CRACDL: variants seen among roughly 807,000 people sequenced by gnomAD.
CRACDL encodes the protein CRACD-like protein.
CRACDL carries 26 observed loss-of-function variants against 70.6 expected under a neutral mutation model. The observed-to-expected ratio is 0.37, with a 90% CI of 0.27 to 0.51. The LOEUF (loss-of-function observed/expected upper bound fraction) is 0.51. Ranked by LOEUF, CRACDL falls within the 20% of genes least tolerant of loss-of-function variation. The pLI, the probability that CRACDL is intolerant of heterozygous loss-of-function variation, is 0.94. For missense variants in CRACDL, 1,283 were observed against 1,376.9 expected, an observed-to-expected ratio of 0.93 and a Z score of 1.08; for synonymous variants, 618 against 615.2, an observed-to-expected ratio of 1.00 and a Z score of -0.07.
At chr2:98,831,796 A>G (rs906512037) in intron 5 of CRACDL, among the ~76,000 whole-genome samples, 21 of 151,998 alleles carry the variant, frequency 1.4e-4, no homozygotes, top group African/African-American at 5.1e-4. Flanking sequence ...GGTGTTTGGG[A>G]CTGGTTCCTC....
Position 98,897,473 on chromosome 2 carries a change from T to A in CRACDL, c.-11+38465A>T. The A allele has an allele frequency of 2.9e-6, 3 of 1,039,918 alleles. No homozygotes were observed. The South Asian group carries it at 4.2e-5, about 15-fold the overall frequency. 64.4% of individuals were successfully genotyped at this position (1,039,918 alleles called of 1,614,324 possible). The stretch of plus-strand genomic sequence containing the variant: ...TTACATGGAGTATGCAGAAAATCAG[T>A]GACTTCTGCTGAAACAGATGAGCAA... On this transcript the variant is annotated intron_variant, in intron 1 of 9. Transcript: ENST00000397899.
chr2:98,817,960 G>A (rs1042465600), intron 7 of CRACDL, among the ~76,000 whole-genome samples: 9 of 152,126 alleles, frequency 5.9e-5, no homozygotes, highest in African/African-American at 2.2e-4. Flanking sequence ...AAGGAGAGCT[G>A]ACCTAGGAGT....
At chr2:98,832,727 GTGTCCTGGGGGAGC>G in intron 4 of CRACDL, 121 bp downstream of exon 4, 1 of 1,176,334 alleles carries the variant, frequency 8.5e-7, no homozygotes, top group Non-Finnish European at 1.2e-6. Context: ...CTCATTTGGT[GTGTCCTGGGGGAGC>G]TGTCATGTAC....
chr2:98,904,129 CAG>C (rs1708349528), intron 1 of CRACDL, among the ~76,000 whole-genome samples: 2 of 152,246 alleles, frequency 1.3e-5, no homozygotes, highest in Non-Finnish European at 2.9e-5. Flanking sequence ...GTTATACAAA[CAG>C]AAGGAACACT....
chr2:98,892,878 C>T (rs1021658399), intron 1 of CRACDL, among the ~76,000 whole-genome samples: 9 of 152,164 alleles, frequency 5.9e-5, no homozygotes, highest in Non-Finnish European at 1.2e-4. Context: ...TGCACCCTTC[C>T]TCACACTCTT....
rs914641195 is a variant in CRACDL at position 98,826,870 on chromosome 2, G to C, written c.735+105C>G. On this transcript the variant is annotated intron_variant, in intron 6 of 9. Coordinates refer to ENST00000397899, the MANE Select transcript of CRACDL (RefSeq NM_207362.3). ...TCCATCAACTGTGGGGTGCTCAGAGGGGGCATGAGACCCTGTGTGGGGGAG... is the reference window on the plus strand; with the variant it reads ...TCCATCAACTGTGGGGTGCTCAGAGCGGGCATGAGACCCTGTGTGGGGGAG... 3.5e-5 allele frequency: 26 copies of C among 743,718 alleles called. No individual in the cohort carries two copies. The Admixed American group carries it at 5.7e-4, about 16-fold the overall frequency. 46.1% of individuals were successfully genotyped at this position (743,718 alleles called of 1,614,324 possible). A position where few individuals can be genotyped will look rare whatever the true frequency, so the allele number is the denominator to read the frequency against.
At chr2:98,845,127 A>C (rs1190797486) in intron 2 of CRACDL, among the ~76,000 whole-genome samples, 1 of 152,054 alleles carries the variant, frequency 6.6e-6, no homozygotes, top group African/African-American at 2.4e-5. Context: ...TAAATGATCT[A>C]AGGGCAAAGT....
At chr2:98,916,605 T>C (rs1708672802) in intron 1 of CRACDL, among the ~76,000 whole-genome samples, 1 of 152,166 alleles carries the variant, frequency 6.6e-6, no homozygotes, top group Non-Finnish European at 1.5e-5. Flanking sequence ...TATGTTTCCT[T>C]CCAGTCTTTT....
Position 98,823,103 on chromosome 2 carries a change from C to A in CRACDL, c.1170G>T (p.Glu390Asp). 6.3e-7 allele frequency: 1 copy of A among 1,578,182 alleles called. No individual in the cohort carries two copies. Among genetic ancestry groups the A allele is most frequent in the Non-Finnish European group, 8.6e-7 (1 of 1,165,378 alleles). The change falls in exon 7 of 10, where the codon GAG becomes GAT. Residue 390 changes from glutamate (E) to aspartate (D), a missense_variant. Coordinates refer to ENST00000397899, the MANE Select transcript of CRACDL (RefSeq NM_207362.3). This position sits in a 1 kb window ranked among gnomAD's most constrained non-coding sequence, Gnocchi z 4.0. ...CGACGTCTTCGGGAGCACAGACCAC[C>A]TCCTCCGCCTTGTCCGTGGCCGGGG... ...PCAPATDKAEEVVCAPEDVAS... is the reference protein window; with the variant it reads ...PCAPATDKAEDVVCAPEDVAS...
chr2:98,926,497 G>A (rs910377126), intron 1 of CRACDL, among the ~76,000 whole-genome samples: 9 of 152,296 alleles, frequency 5.9e-5, no homozygotes, highest in Admixed American at 2.6e-4. Flanking sequence ...TCCCAAGAGC[G>A]TGCACCATGA....
Position 98,823,177 on chromosome 2 carries a change from G to T in CRACDL, c.1096C>A (p.Pro366Thr). The T allele has an allele frequency of 6.6e-7, 1 of 1,517,510 alleles. No individual in the cohort carries two copies. Among genetic ancestry groups the T allele is most frequent in the Admixed American group, 2.1e-5 (1 of 47,922 alleles). 94.0% of individuals were successfully genotyped at this position (1,517,510 alleles called of 1,614,324 possible). A position where few individuals can be genotyped will look rare whatever the true frequency, so the allele number is the denominator to read the frequency against. The part of the protein sequence containing the change: ...SPPEGPPNPG[P>T]DGGKQDGEAP... ...TCCCCATCCTGCTTTCCGCCGTCGG[G>T]ACCGGGATTCGGGGGGCCCTCCGGC... Residue 366 changes from proline to threonine, a missense_variant, in exon 7 of 10, where the codon CCC (proline) becomes ACC (threonine). This residue lies in a region of CRACDL where 921 missense variants were observed against 881.9 expected (regional missense o/e 1.04). Transcript: ENST00000397899. This position sits in a 1 kb window ranked among gnomAD's most constrained non-coding sequence, Gnocchi z 4.0.
At chr2:98,905,581 T>C (rs1708390404) in intron 1 of CRACDL, among the ~76,000 whole-genome samples, 1 of 152,108 alleles carries the variant, frequency 6.6e-6, no homozygotes, top group South Asian at 2.1e-4. Flanking sequence ...TGGGAAGCGT[T>C]ACTCCCTCCT....
At chr2:98,926,144 C>T (rs1708904211) in intron 1 of CRACDL, among the ~76,000 whole-genome samples, 1 of 152,048 alleles carries the variant, frequency 6.6e-6, no homozygotes, top group African/African-American at 2.4e-5. Flanking sequence ...TGAAGAAAAC[C>T]AGCTGTTACA....
intron 7 of CRACDL, among the ~76,000 whole-genome samples, chr2:98,811,028 T>C (rs1244590618): frequency 1.3e-5 from 2 of 151,598 alleles, no homozygotes; most frequent in Admixed American, 1.3e-4. Context: ...AGCCAAGATG[T>C]ACAGCATTTT....
At position 98,805,111 on chromosome 2, in the gene CRACDL, CA is replaced by C. The variant is rs540028415; in HGVS notation, c.2417-7575del. On this transcript the variant is annotated intron_variant, in intron 7 of 9. Transcript: ENST00000397899. ...ATCTTCTGACAGCCACCATGGTCCACAATCAGGAATGAGTTCCAGAGCCTGC... is the reference window on the plus strand; with the variant it reads ...ATCTTCTGACAGCCACCATGGTCCACATCAGGAATGAGTTCCAGAGCCTGC... 2.6e-5 allele frequency among the ~76,000 whole-genome samples: 4 copies of C among 152,312 alleles called. No homozygotes were observed. The South Asian group carries it at 8.3e-4, about 32-fold the overall frequency.
chr2:98,820,017 A>G (rs1212695897), intron 7 of CRACDL, among the ~76,000 whole-genome samples: 1 of 151,400 alleles, frequency 6.6e-6, no homozygotes, highest in African/African-American at 2.4e-5. Context: ...ATGGGGTTTC[A>G]CCACGTTGGC....
intron 2 of CRACDL, among the ~76,000 whole-genome samples, chr2:98,844,778 G>A (rs1706180419): frequency 6.6e-6 from 1 of 152,186 alleles, no homozygotes; most frequent in African/African-American, 2.4e-5. Flanking sequence ...TATTTTCTGT[G>A]ATAATTTGAA....
intron 1 of CRACDL, among the ~76,000 whole-genome samples, chr2:98,906,294 G>A (rs1242663594): frequency 2.9e-5 from 4 of 138,832 alleles, no homozygotes; most frequent in Admixed American, 1.5e-4. Context: ...ACAGAGTTTC[G>A]CTCTGTCATC....
chr2:98,822,371 C>A lies in CRACDL; in HGVS notation c.1902G>T (p.Glu634Asp). 1 of 1,473,386 alleles carries A rather than the reference C, an allele frequency of 6.8e-7. No homozygotes were observed. The highest frequency in any genetic ancestry group is 2.5e-5 in the Admixed American group (1 of 40,610). 91.3% of individuals were successfully genotyped at this position (1,473,386 alleles called of 1,614,324 possible). A position where few individuals can be genotyped will look rare whatever the true frequency, so the allele number is the denominator to read the frequency against. The change falls in exon 7 of 10, where the codon GAG (glutamate) becomes GAT (aspartate). Residue 634 changes from glutamate (E) to aspartate (D), a missense_variant. Coordinates refer to ENST00000397899, the MANE Select transcript of CRACDL (RefSeq NM_207362.3). The surrounding 1 kb of genome is among the most constrained non-coding windows in gnomAD (Gnocchi z 4.9). ...TGTCCCCCGAGTCCTGAGGGCCGCGCTCCGCCAGCTTCCGAGGGCCAGGTT... is the reference window on the plus strand; with the variant it reads ...TGTCCCCCGAGTCCTGAGGGCCGCGATCCGCCAGCTTCCGAGGGCCAGGTT... Reference protein sequence around the residue: ...HAKPGPRKLAERGPQDSGDRA... With the variant: ...HAKPGPRKLADRGPQDSGDRA...
Sources: gnomAD v4.1 joint callset for allele counts (sites outside exome capture counted in the v4.1 genomes callset) on GRCh38, gnomAD v4.1.1 for gene constraint, gnomAD v4.1.1 regional missense constraint, Gnocchi (gnomAD v3.1) non-coding constraint, MANE v1.5 for transcripts, NCBI Gene and HGNC (gene_info 2026-07-23, HGNC 2026-07-21) for gene names.